MTDH: variants seen among roughly 807,000 people sequenced by gnomAD.
MTDH encodes metadherin, also known as protein LYRIC.
MTDH carries 34 observed loss-of-function variants against 72.7 expected under a neutral mutation model. That is an observed-to-expected ratio of 0.47 (90% confidence interval 0.36 to 0.62). MTDH has a LOEUF of 0.62. MTDH is among the 20% of genes least tolerant of loss of function. MTDH has a pLI of 0.00. For missense variants in MTDH, 677 were observed against 699.4 expected (o/e 0.97, Z 0.36); for synonymous variants, 266 against 268.9 (o/e 0.99, Z 0.10).
At chr8:97,724,249 T>C (rs1299709915) in intron 11 of MTDH, among the ~76,000 whole-genome samples, 1 of 152,226 alleles carries the variant, frequency 6.6e-6, no homozygotes, top group African/African-American at 2.4e-5. Context: ...CTACAAATTA[T>C]TCTATGCTTT....
At position 97,729,067 on chromosome 8, in the gene MTDH, A is replaced by T. The variant is rs555167301; in HGVS notation, c.*4397A>T. Among the ~76,000 whole-genome samples, 3 of 148,948 alleles carry T rather than the reference A, an allele frequency of 2.0e-5. No individual in the cohort carries two copies. The highest frequency in any genetic ancestry group is 4.4e-5 in the Non-Finnish European group (3 of 67,702). On this transcript the variant is annotated 3_prime_UTR_variant, in exon 12 of 12. Coordinates refer to ENST00000336273, the MANE Select transcript of MTDH (RefSeq NM_178812.4). The stretch of plus-strand genomic sequence containing the variant: ...CCAGAGTACCTGGGACTACAGGTAC[A>T]CACCACCATGCCTGGCTAAATTTTT...
chr8:97,671,262 C>T lies in MTDH; in HGVS notation c.483+10089C>T, dbSNP rs146829784. Among the ~76,000 whole-genome samples, 356 of 152,094 alleles carry T rather than the reference C, an allele frequency of 2.3e-3. 1 individual carries two copies. Among genetic ancestry groups the T allele is most frequent in the African/African-American group, 8.0e-3 (330 of 41,500 alleles). ...GATTACAGGCATGAGCCATAGCACC[C>T]GGTGGGGGATAACATTTCAGTATGA... On this transcript the variant is annotated intron_variant, in intron 2 of 11. Coordinates refer to ENST00000336273, the MANE Select transcript of MTDH (RefSeq NM_178812.4).
At chr8:97,665,403 T>G (rs1435830703) in intron 2 of MTDH, among the ~76,000 whole-genome samples, 2 of 152,204 alleles carry the variant, frequency 1.3e-5, no homozygotes. Flanking sequence ...TTAGCCAGAC[T>G]GAATGCATTG....
At position 97,697,392 on chromosome 8, in the gene MTDH, T is replaced by G. The variant is rs1813906515; in HGVS notation, c.1049-2362T>G. Among the ~76,000 whole-genome samples, 49 of 131,498 alleles carry G rather than the reference T, an allele frequency of 3.7e-4. No individual in the cohort carries two copies. The South Asian group carries it at 0.013, about 34-fold the overall frequency. The allele number at this position is 131,498 out of a possible 152,430, so 86.3% of individuals were successfully genotyped here. A position where few individuals can be genotyped will look rare whatever the true frequency, so the allele number is the denominator to read the frequency against. ...ATATTATTATTTCGGTTTTTTTTTT[T>G]TTTTTTTTTTTTGAGACGGAGTCTC... On this transcript the variant is annotated intron_variant, in intron 6 of 11. Transcript: ENST00000336273.
At chr8:97,676,084 C>T (rs1389912123) in intron 2 of MTDH, among the ~76,000 whole-genome samples, 1 of 151,756 alleles carries the variant, frequency 6.6e-6, no homozygotes, top group South Asian at 2.1e-4. Context: ...GGACTACAGG[C>T]GTGCACCACC....
chr8:97,710,582 C>G (rs2513974), intron 8 of MTDH, among the ~76,000 whole-genome samples: 2 of 147,902 alleles, frequency 1.4e-5, no homozygotes, highest in African/African-American at 5.0e-5. Context: ...CCTGTAATCC[C>G]AGCTACTTGG....
intron 7 of MTDH, among the ~76,000 whole-genome samples, chr8:97,701,087 G>A (rs1814102809): frequency 6.6e-6 from 1 of 152,142 alleles, no homozygotes; most frequent in Non-Finnish European, 1.5e-5. Flanking sequence ...TATGGTTAGG[G>A]CTTTGTCACT....
Position 97,691,110 on chromosome 8 carries a change from C to G in MTDH, c.970C>G (p.Gln324Glu). 1.2e-6 allele frequency: 2 copies of G among 1,614,026 alleles called. No homozygotes were observed. The highest frequency in any genetic ancestry group is 1.7e-6 in the Non-Finnish European group (2 of 1,179,988). The change falls in exon 6 of 12, where the codon CAA becomes GAA. Residue 324 changes from glutamine to glutamate, a missense_variant. Transcript: ENST00000336273. The part of the protein sequence containing the change: ...KRKTEPSAWS[Q>E]DTGDANTNGK... Reference sequence around the variant, plus strand: ...GAAAACTGAGCCATCTGCCTGGAGTCAAGACACTGGAGATGCTAATACAAA... The same window carrying G: ...GAAAACTGAGCCATCTGCCTGGAGTGAAGACACTGGAGATGCTAATACAAA...
At chr8:97,691,854 A>C (rs999974321) in intron 6 of MTDH, among the ~76,000 whole-genome samples, 8 of 151,578 alleles carry the variant, frequency 5.3e-5, no homozygotes, top group African/African-American at 1.9e-4. Context: ...GCAACTGTAT[A>C]TAGTGTTTTT....
chr8:97,653,340 A>G (rs916725876), intron 1 of MTDH, among the ~76,000 whole-genome samples: 4 of 152,194 alleles, frequency 2.6e-5, no homozygotes, highest in Non-Finnish European at 5.9e-5. Flanking sequence ...TTTCGATGGC[A>G]TGTTCCAGGA....
At chr8:97,704,727 G>C (rs937117485) in intron 7 of MTDH, among the ~76,000 whole-genome samples, 11 of 151,432 alleles carry the variant, frequency 7.3e-5, no homozygotes, top group African/African-American at 2.7e-4. Context: ...TTTTTTCTGT[G>C]AGCGTTTTCC....
chr8:97,716,533 C>G (rs977622660), intron 9 of MTDH, among the ~76,000 whole-genome samples: 1 of 151,976 alleles, frequency 6.6e-6, no homozygotes, highest in African/African-American at 2.4e-5. Context: ...ACTGAAAATA[C>G]AAAAATTAGC....
At chr8:97,723,914 C>T (rs542299061) in intron 11 of MTDH, among the ~76,000 whole-genome samples, 5 of 152,078 alleles carry the variant, frequency 3.3e-5, no homozygotes, top group Admixed American at 2.0e-4. Flanking sequence ...TCAAGACCAG[C>T]GTGGCCAACA....
At chr8:97,648,238 G>T (rs1811636276) in intron 1 of MTDH, among the ~76,000 whole-genome samples, 1 of 151,702 alleles carries the variant, frequency 6.6e-6, no homozygotes, top group Non-Finnish European at 1.5e-5. Flanking sequence ...CTTTTTACTG[G>T]GCTCAGTTCT....
At chr8:97,686,241 C>A (rs1444042776) in intron 2 of MTDH, among the ~76,000 whole-genome samples, 1 of 152,168 alleles carries the variant, frequency 6.6e-6, no homozygotes, top group Admixed American at 6.5e-5. Flanking sequence ...CACCGTATTA[C>A]AGTACTGTAT....
chr8:97,724,569 T>TTTTC, intron 11 of MTDH, 31 bp from the exon 12 acceptor site: 3 of 1,507,696 alleles, frequency 2.0e-6, no homozygotes, highest in Non-Finnish European at 2.7e-6. Context: ...CTCCTAATTT[T>TTTTC]TTTCTTCGTT....
At chr8:97,682,580 C>A (rs1047046218) in intron 2 of MTDH, among the ~76,000 whole-genome samples, 1 of 151,514 alleles carries the variant, frequency 6.6e-6, no homozygotes, top group South Asian at 2.1e-4. Context: ...GGATCACAGG[C>A]GTGAGCCACC....
intron 2 of MTDH, among the ~76,000 whole-genome samples, chr8:97,683,894 C>T (rs1238264892): frequency 6.6e-6 from 1 of 151,974 alleles, no homozygotes; most frequent in East Asian, 1.9e-4. Context: ...GGTGGATCAC[C>T]TGAGGTTGGA....
intron 1 of MTDH, among the ~76,000 whole-genome samples, chr8:97,656,037 A>G (rs571949631): frequency 1.8e-4 from 27 of 152,284 alleles, no homozygotes; most frequent in Admixed American, 1.2e-3. Context: ...GTCTTCTCAT[A>G]TTCCATTTTT....
Sources: gnomAD v4.1 joint callset for allele counts (sites outside exome capture counted in the v4.1 genomes callset) on GRCh38, gnomAD v4.1.1 for gene constraint, MANE v1.5 for transcripts, NCBI Gene and HGNC (gene_info 2026-07-23, HGNC 2026-07-21) for gene names.